Variants in GSG1L2 observed in about 807,000 individuals in gnomAD.
GSG1L2 encodes the protein GSG1 like 2, also known as germ cell-specific gene 1-like protein 2.
In GSG1L2, 15 loss-of-function variants were observed where a neutral mutation model predicts 9.0. The observed-to-expected ratio is 1.67, with a 90% CI of 1.12 to 2.57. The LOEUF is 2.57. Among genes scored for constraint, GSG1L2 ranks in the 30% most tolerant of loss-of-function variants. The pLI is 0.00. For missense variants in GSG1L2, 286 were observed against 150.3 expected, an observed-to-expected ratio of 1.90 and a Z score of -4.72; for synonymous variants, 127 against 57.9, an observed-to-expected ratio of 2.19 and a Z score of -5.41.
intron 1 of GSG1L2, among the ~76,000 whole-genome samples, chr17:9,816,858 G>GTGTGTGTC (rs1301315170): frequency 8.7e-5 from 3 of 34,682 alleles, no homozygotes; most frequent in African/African-American, 1.7e-4. Context: ...CTGTGTATCT[G>GTGTGTGTC]TATGTGTGTG....
intron 1 of GSG1L2, among the ~76,000 whole-genome samples, chr17:9,818,295 G>A (rs1277327576): frequency 1.3e-5 from 2 of 151,940 alleles, no homozygotes; most frequent in Admixed American, 1.3e-4. Context: ...GAGAGAAGGG[G>A]GAAGGTGGCA....
rs560968726 is a variant in GSG1L2 at position 9,801,795 on chromosome 17, T to G, written c.*591A>C. On this transcript the variant is annotated 3_prime_UTR_variant, in exon 5 of 5. Coordinates refer to ENST00000399363, the MANE Select transcript of GSG1L2 (RefSeq NM_001310219.2). Reference sequence around the variant, plus strand: ...TTGACTGTGTTTTCATTTCTATCATTCGACTGTCCTTCCAAACTGATTTTA... The same window carrying G: ...TTGACTGTGTTTTCATTTCTATCATGCGACTGTCCTTCCAAACTGATTTTA... Among the ~76,000 whole-genome samples the G allele has an allele frequency of 4.6e-5, 7 of 152,344 alleles. No homozygotes were observed. In the East Asian group the frequency reaches 1.4e-3, roughly 29 times the overall value.
At chr17:9,808,710 C>T in intron 3 of GSG1L2, 120 bp downstream of exon 3, 1 of 609,096 alleles carries the variant, frequency 1.6e-6, no homozygotes, top group Non-Finnish European at 3.0e-6. Context: ...GACCACCCGC[C>T]CTGCTTAAAT....
At chr17:9,817,272 C>A (rs1361966350) in intron 1 of GSG1L2, among the ~76,000 whole-genome samples, 1 of 152,188 alleles carries the variant, frequency 6.6e-6, no homozygotes, top group Non-Finnish European at 1.5e-5. Flanking sequence ...AAGCCCAGCC[C>A]ATGCGGATTT....
At chr17:9,816,731 G>A (rs1310848821) in intron 1 of GSG1L2, among the ~76,000 whole-genome samples, 1 of 141,284 alleles carries the variant, frequency 7.1e-6, no homozygotes, top group Non-Finnish European at 1.6e-5. Flanking sequence ...GTGTCTGTGT[G>A]TGCATGTGTG....
intron 2 of GSG1L2, chr17:9,809,285 A>C: frequency 5.2e-6 from 2 of 383,868 alleles, no homozygotes. Context: ...TAGCTCAAAA[A>C]CTACCATTGT....
rs1162179099 is a variant in GSG1L2, at chr17:9,820,273, A to G, written c.310+1489T>C. 6.6e-6 allele frequency among the ~76,000 whole-genome samples: 1 copy of G among 152,204 alleles called. No individual in the cohort carries two copies. Among genetic ancestry groups the G allele is most frequent in the Non-Finnish European group, 1.5e-5 (1 of 68,042 alleles). ...AGAGCTGTGGAAACAGAAGTACTAT[A>G]GGCAGTCCTCATATGAGAACTTGGA... On this transcript the variant is annotated intron_variant, in intron 1 of 4. Coordinates refer to ENST00000399363, the MANE Select transcript of GSG1L2 (RefSeq NM_001310219.2). The surrounding 1 kb of genome is among the most constrained non-coding windows in gnomAD (Gnocchi z 4.9).
At chr17:9,812,149 CTAT>C (rs1358220417) in intron 1 of GSG1L2, among the ~76,000 whole-genome samples, 1 of 152,118 alleles carries the variant, frequency 6.6e-6, no homozygotes, top group Admixed American at 6.5e-5. Context: ...TTAGCATGAA[CTAT>C]TATTTATTTC....
chr17:9,819,852 A>G (rs2066581883), intron 1 of GSG1L2, among the ~76,000 whole-genome samples: 1 of 151,858 alleles, frequency 6.6e-6, no homozygotes, highest in Non-Finnish European at 1.5e-5. Context: ...ACCTCAGGTG[A>G]TCTGCCCGCC....
At chr17:9,817,887 T>A (rs1252190076) in intron 1 of GSG1L2, among the ~76,000 whole-genome samples, 4 of 152,116 alleles carry the variant, frequency 2.6e-5, no homozygotes, top group Non-Finnish European at 5.9e-5. Flanking sequence ...CTCCCCTGCC[T>A]TGCATTCTGA....
At chr17:9,813,060 G>A (rs1017927598) in intron 1 of GSG1L2, among the ~76,000 whole-genome samples, 3 of 152,184 alleles carry the variant, frequency 2.0e-5, no homozygotes, top group African/African-American at 7.2e-5. Flanking sequence ...ATTACATTGG[G>A]GTTAGGGTTT....
intron 2 of GSG1L2, chr17:9,809,882 G>C (rs1037245613): frequency 6.6e-6 from 1 of 152,328 alleles, no homozygotes; most frequent in Non-Finnish European, 1.5e-5. Flanking sequence ...AAACATGGGG[G>C]TGGAGGGTCT....
chr17:9,820,907 C>A lies in GSG1L2; in HGVS notation c.310+855G>T, dbSNP rs909884293. On this transcript the variant is annotated intron_variant, in intron 1 of 4. Transcript: ENST00000399363. This position sits in a 1 kb window ranked among gnomAD's most constrained non-coding sequence, Gnocchi z 4.9. The stretch of plus-strand genomic sequence containing the variant: ...GTAACTCCTGGTCTCAAGTGATTCT[C>A]CTGTCTCAGCTTCCCAAAGTGCTAG... Among the ~76,000 whole-genome samples, 8 of 152,268 alleles carry A rather than the reference C, an allele frequency of 5.3e-5. No homozygotes were observed. Among genetic ancestry groups the A allele is most frequent in the African/African-American group, 1.7e-4 (7 of 41,548 alleles).
intron 4 of GSG1L2, chr17:9,805,626 A>C (rs532824114): frequency 6.6e-6 from 1 of 152,312 alleles, no homozygotes; most frequent in South Asian, 2.1e-4. Context: ...ACTCCCAGAA[A>C]AGGTAAACTA....
At chr17:9,803,026 C>A (rs373726773) in intron 4 of GSG1L2, among the ~76,000 whole-genome samples, 2 of 151,868 alleles carry the variant, frequency 1.3e-5, no homozygotes, top group South Asian at 2.1e-4. Context: ...CTTAGTATAG[C>A]ATCTGCTGCA....
In GSG1L2 at chr17:9,801,106, C is replaced by A. The variant is rs1468810553; in HGVS notation, c.*1280G>T. On this transcript the variant is annotated 3_prime_UTR_variant, in exon 5 of 5. Transcript: ENST00000399363. ...ACAGATTTTTATTGGATTTTTTTCC[C>A]AGAAATGATATGTTTACAAAACACG... Among the ~76,000 whole-genome samples, 2 of 151,870 alleles carry A rather than the reference C, an allele frequency of 1.3e-5. No individual in the cohort carries two copies. The highest frequency in any genetic ancestry group is 2.9e-5 in the Non-Finnish European group (2 of 68,008).
rs138253180 is a variant in GSG1L2, at chr17:9,816,673, C to CTG, written c.310+5087_310+5088dup. ...TGTGTGTCTGTGTGTGCGTGTGTGT[C>CTG]TGTGTGTGTGTGTCTGTGTATGTGT... is the stretch of plus-strand genomic sequence containing the variant. On this transcript the variant is annotated intron_variant, in intron 1 of 4. Transcript: ENST00000399363. Among the ~76,000 whole-genome samples, 152 of 132,356 alleles carry CTG rather than the reference C, an allele frequency of 1.1e-3. 1 individual carries two copies. In the Middle Eastern group the frequency reaches 0.016, roughly 14 times the overall value. The allele number at this position is 132,356 out of a possible 152,430, so 86.8% of individuals were successfully genotyped here. A position where few individuals can be genotyped will look rare whatever the true frequency, so the allele number is the denominator to read the frequency against.
chr17:9,809,021 T>C (rs1394435299), intron 2 of GSG1L2, 39 bp from the exon 3 acceptor site: 2 of 698,010 alleles, frequency 2.9e-6, no homozygotes, highest in African/African-American at 1.8e-5. Context: ...TGGACACTTC[T>C]AATTCAGAAA....
chr17:9,816,886 G>GTGTGTATC (rs2066568808), intron 1 of GSG1L2, among the ~76,000 whole-genome samples: 1 of 144,832 alleles, frequency 6.9e-6, no homozygotes, highest in Non-Finnish European at 1.5e-5. Context: ...GTGTATCTGT[G>GTGTGTATC]TGTGTGTATC....
Sources: gnomAD v4.1 joint callset for allele counts (sites outside exome capture counted in the v4.1 genomes callset) on GRCh38, gnomAD v4.1.1 for gene constraint, Gnocchi (gnomAD v3.1) non-coding constraint, MANE v1.5 for transcripts, NCBI Gene and HGNC (gene_info 2026-07-23, HGNC 2026-07-21) for gene names.